The following CCDC85A variants were observed in gnomAD, a reference collection of about 807,000 sequenced individuals.
CCDC85A encodes the protein coiled-coil domain containing 85A.
Under a neutral mutation model 50.2 loss-of-function variants are expected in CCDC85A, and 38 were observed. The ratio of observed to expected loss-of-function variants is 0.76; its 90% CI spans 0.58 to 0.99. The LOEUF is 0.99. Ranked by LOEUF, CCDC85A falls within the 50% of genes least tolerant of loss-of-function variation. The pLI, the probability that CCDC85A is intolerant of heterozygous loss-of-function variation, is 0.00. For missense variants in CCDC85A, 820 were observed against 742.0 expected (o/e 1.11, Z -1.22); for synonymous variants, 366 against 301.4 (o/e 1.21, Z -2.22).
chr2:56,244,467 G>A (rs934447023), intron 2 of CCDC85A, among the ~76,000 whole-genome samples: 1 of 151,826 alleles, frequency 6.6e-6, no homozygotes, highest in South Asian at 2.1e-4. Context: ...CAGGGACTTA[G>A]GCTCCCTTCT....
chr2:56,251,706 C>T (rs1669764780), intron 2 of CCDC85A, among the ~76,000 whole-genome samples: 1 of 151,836 alleles, frequency 6.6e-6, no homozygotes, highest in Admixed American at 6.6e-5. Flanking sequence ...GTCTACTCTC[C>T]CTTCTTTGGT....
chr2:56,303,908 C>T (rs548016504), intron 2 of CCDC85A, among the ~76,000 whole-genome samples: 9 of 152,228 alleles, frequency 5.9e-5, no homozygotes, highest in East Asian at 1.9e-4. Context: ...TCTGCATGAG[C>T]ATTTTGGGAA....
In CCDC85A at chr2:56,192,012, G is replaced by T. The variant is rs1174477338; in HGVS notation, c.277-465G>T. On this transcript the variant is annotated intron_variant, in intron 1 of 5. Coordinates refer to ENST00000407595, the MANE Select transcript of CCDC85A (RefSeq NM_001080433.2). This position sits in a 1 kb window ranked among gnomAD's most constrained non-coding sequence, Gnocchi z 4.7. ...GTTTTTATCTAGTGACTGATTTCTT[G>T]ATAATGAACTGGTTGCTCCCTAACT... 6.6e-6 allele frequency among the ~76,000 whole-genome samples: 1 copy of T among 152,164 alleles called. No homozygotes were observed. The highest frequency in any genetic ancestry group is 1.5e-5 in the Non-Finnish European group (1 of 68,028).
intron 2 of CCDC85A, among the ~76,000 whole-genome samples, chr2:56,283,883 G>A (rs943989175): frequency 3.3e-5 from 5 of 151,922 alleles, no homozygotes; most frequent in African/African-American, 9.7e-5. Context: ...AAGTTAATTT[G>A]TATTACCTAT....
chr2:56,244,555 TC>T (rs1452961452), intron 2 of CCDC85A, among the ~76,000 whole-genome samples: 5 of 151,638 alleles, frequency 3.3e-5, no homozygotes, highest in African/African-American at 1.2e-4. Context: ...CAGGATCCTC[TC>T]CCCTACTGTG....
At chr2:56,229,457 G>C (rs1441042009) in intron 2 of CCDC85A, among the ~76,000 whole-genome samples, 4 of 152,176 alleles carry the variant, frequency 2.6e-5, no homozygotes, top group African/African-American at 4.8e-5. Flanking sequence ...CTGTGGGTCA[G>C]TGATTGCCCA....
intron 3 of CCDC85A, among the ~76,000 whole-genome samples, chr2:56,348,023 A>G (rs916350757): frequency 3.3e-5 from 5 of 152,234 alleles, no homozygotes; most frequent in African/African-American, 9.6e-5. Flanking sequence ...TACTATTCAC[A>G]TGTAATGCTG....
At chr2:56,208,764 T>A (rs138567551) in intron 2 of CCDC85A, among the ~76,000 whole-genome samples, 1 of 152,224 alleles carries the variant, frequency 6.6e-6, no homozygotes, top group African/African-American at 2.4e-5. Flanking sequence ...AAAAGGAACA[T>A]TATTAGAAGA....
intron 2 of CCDC85A, among the ~76,000 whole-genome samples, chr2:56,294,382 T>C (rs1047538618): frequency 6.6e-6 from 1 of 152,224 alleles, no homozygotes; most frequent in Non-Finnish European, 1.5e-5. Context: ...CAAACCACCA[T>C]GGCACACATT....
chr2:56,288,872 G>A lies in CCDC85A; in HGVS notation c.1241-54007G>A, dbSNP rs375532948. Among the ~76,000 whole-genome samples, 16 of 152,290 alleles carry A rather than the reference G, an allele frequency of 1.1e-4. 1 individual carries two copies. Among genetic ancestry groups the A allele is most frequent in the African/African-American group, 3.8e-4 (16 of 41,560 alleles). On this transcript the variant is annotated intron_variant, in intron 2 of 5. Transcript: ENST00000407595. ...ATTAATGGTTCACATGACTTGTGTT[G>A]CGGGGAGAAATCACATCTGCTCTCT...
chr2:56,198,753 G>A (rs1417041433), intron 2 of CCDC85A, among the ~76,000 whole-genome samples: 2 of 152,164 alleles, frequency 1.3e-5, no homozygotes, highest in Non-Finnish European at 2.9e-5. Flanking sequence ...ATTTAAATCT[G>A]GAGGGTCATT....
chr2:56,319,557 A>T (rs182019090), intron 2 of CCDC85A, among the ~76,000 whole-genome samples: 1 of 152,188 alleles, frequency 6.6e-6, no homozygotes, highest in Non-Finnish European at 1.5e-5. Context: ...AAAGTAAAAT[A>T]TAACATATGG....
chr2:56,348,531 C>T (rs1674744071), intron 3 of CCDC85A, among the ~76,000 whole-genome samples: 1 of 152,198 alleles, frequency 6.6e-6, no homozygotes, highest in Non-Finnish European at 1.5e-5. Flanking sequence ...TACAATGTGG[C>T]CTTGCAATGC....
Position 56,354,492 on chromosome 2 carries a change from G to T in CCDC85A, c.1317+11537G>T, listed in dbSNP as rs936005001. ...TACCGGATTCATTCTGCAGACTAAA[G>T]CATCTGAAATAGCCACTAAGAAGTG... On this transcript the variant is annotated intron_variant, in intron 3 of 5. Coordinates refer to ENST00000407595, the MANE Select transcript of CCDC85A (RefSeq NM_001080433.2). Among the ~76,000 whole-genome samples, 9 of 152,322 alleles carry T rather than the reference G, an allele frequency of 5.9e-5. No individual in the cohort carries two copies. In the South Asian group the frequency reaches 1.9e-3, roughly 32 times the overall value.
At chr2:56,228,093 C>A (rs1477998841) in intron 2 of CCDC85A, among the ~76,000 whole-genome samples, 1 of 152,186 alleles carries the variant, frequency 6.6e-6, no homozygotes, top group Non-Finnish European at 1.5e-5. Context: ...CATTGGGCAT[C>A]AGAGAATAAC....
In CCDC85A at chr2:56,193,121, G is replaced by C. The variant is rs1436860486; in HGVS notation, c.921G>C (p.Lys307Asn). 6.2e-7 allele frequency: 1 copy of C among 1,613,606 alleles called. No individual in the cohort carries two copies. Among genetic ancestry groups the C allele is most frequent in the Non-Finnish European group, 8.5e-7 (1 of 1,179,846 alleles). ...GGAGCAGCCCCGAAACGCTGCCCAA[G>C]CACGTGCTGAGTGGGAGCCCGGAAC... ...HPGSSPETLP[K>N]HVLSGSPEHF... is the part of the protein sequence containing the mutation. The change falls in exon 2 of 6, where the codon AAG (lysine) becomes AAC (asparagine). Residue 307 changes from lysine (K) to asparagine (N), a missense_variant. By Grantham distance (94) the Lys-to-Asn change is moderately conservative. Transcript: ENST00000407595.
At chr2:56,311,164 C>A (rs143849907) in intron 2 of CCDC85A, among the ~76,000 whole-genome samples, 43 of 152,040 alleles carry the variant, frequency 2.8e-4, no homozygotes, top group Admixed American at 4.6e-4. Context: ...ATTCTTGGTT[C>A]CCTGGTGATA....
chr2:56,260,712 G>C (rs1670181683), intron 2 of CCDC85A, among the ~76,000 whole-genome samples: 2 of 152,308 alleles, frequency 1.3e-5, no homozygotes, highest in South Asian at 4.1e-4. Context: ...GCTGTGGAAT[G>C]TATATGTGTA....
At chr2:56,191,330 G>A (rs369042685) in intron 1 of CCDC85A, among the ~76,000 whole-genome samples, 2 of 152,126 alleles carry the variant, frequency 1.3e-5, no homozygotes, top group African/African-American at 2.4e-5. Context: ...GGTCTTTGCT[G>A]TGTCCACTGA....
Sources: allele counts gnomAD v4.1 joint callset (sites outside exome capture counted in the v4.1 genomes callset), GRCh38; gene constraint gnomAD v4.1.1; non-coding constraint Gnocchi (gnomAD v3.1); transcripts MANE v1.5; gene names NCBI Gene and HGNC (gene_info 2026-07-23, HGNC 2026-07-21).